TACR3: variants seen among roughly 807,000 people sequenced by gnomAD.
TACR3 encodes tachykinin receptor 3, also known as neuromedin-K receptor.
In TACR3, 34 loss-of-function variants were observed where a neutral mutation model predicts 35.0. The observed-to-expected ratio is 0.97, with a 90% CI of 0.74 to 1.30. TACR3 has a LOEUF of 1.30. TACR3 is among the 50% of genes most tolerant of loss of function. TACR3 has a pLI of 0.00. For missense variants in TACR3, 558 were observed against 591.7 expected, an observed-to-expected ratio of 0.94 and a Z score of 0.59; for synonymous variants, 233 against 221.1, an observed-to-expected ratio of 1.05 and a Z score of -0.48.
intron 1 of TACR3, among the ~76,000 whole-genome samples, chr4:103,705,139 G>GA (rs1471835086): frequency 3.3e-5 from 5 of 151,858 alleles, no homozygotes; most frequent in Non-Finnish European, 4.4e-5. Flanking sequence ...ATCCTGAGTA[G>GA]AAAAAATGAC....
At chr4:103,662,381 C>G (rs542112169) in intron 1 of TACR3, among the ~76,000 whole-genome samples, 3 of 151,992 alleles carry the variant, frequency 2.0e-5, no homozygotes, top group Non-Finnish European at 4.4e-5. Flanking sequence ...CCACCACGCC[C>G]GGCTAATTTT....
chr4:103,616,353 A>T (rs1469899546), intron 3 of TACR3, among the ~76,000 whole-genome samples: 2 of 152,068 alleles, frequency 1.3e-5, no homozygotes, highest in African/African-American at 4.8e-5. Flanking sequence ...CATATACATA[A>T]ATAACATATG....
intron 1 of TACR3, among the ~76,000 whole-genome samples, chr4:103,712,876 G>T (rs1377895523): frequency 2.6e-5 from 4 of 152,204 alleles, no homozygotes; most frequent in Non-Finnish European, 5.9e-5. Flanking sequence ...ATGAAAAAAT[G>T]CTCATCATCA....
At chr4:103,687,480 T>C (rs569757975) in intron 1 of TACR3, among the ~76,000 whole-genome samples, 1 of 152,118 alleles carries the variant, frequency 6.6e-6, no homozygotes, top group Non-Finnish European at 1.5e-5. Context: ...GATGACATGA[T>C]TGTATATCTA....
intron 1 of TACR3, among the ~76,000 whole-genome samples, chr4:103,698,525 G>A (rs533790585): frequency 7.4e-6 from 1 of 134,740 alleles, no homozygotes; most frequent in South Asian, 2.3e-4. Context: ...CAATTTATCA[G>A]AGGATATTTT....
chr4:103,642,422 C>A (rs1350196689), intron 3 of TACR3, among the ~76,000 whole-genome samples: 1 of 151,398 alleles, frequency 6.6e-6, no homozygotes. Flanking sequence ...AAAAAGAAAA[C>A]ATCAAATACT....
At chr4:103,689,804 A>C (rs1259880259) in intron 1 of TACR3, among the ~76,000 whole-genome samples, 5 of 152,168 alleles carry the variant, frequency 3.3e-5, no homozygotes, top group Admixed American at 3.3e-4. Context: ...AAAACTCCCT[A>C]AATTTGATGA....
Position 103,705,043 on chromosome 4 carries a change from G to A in TACR3, c.548+14085C>T, listed in dbSNP as rs182206106. On this transcript the variant is annotated intron_variant, in intron 1 of 4. Transcript: ENST00000304883. Reference sequence around the variant, plus strand: ...TTTTCTTTTCTTGGGAATTTTAGTTGTTTTCAGTTCTTTGCATTTTGGTTT... The same window carrying A: ...TTTTCTTTTCTTGGGAATTTTAGTTATTTTCAGTTCTTTGCATTTTGGTTT... 1.3e-3 allele frequency among the ~76,000 whole-genome samples: 197 copies of A among 151,962 alleles called. 1 individual carries two copies. The highest frequency in any genetic ancestry group is 4.3e-3 in the African/African-American group (180 of 41,470).
At chr4:103,616,302 ATGTG>A (rs3839189) in intron 3 of TACR3, among the ~76,000 whole-genome samples, 2 of 151,242 alleles carry the variant, frequency 1.3e-5, no homozygotes, top group South Asian at 2.1e-4. Flanking sequence ...ACATACGTGT[ATGTG>A]TGTGTGTGTG....
intron 1 of TACR3, among the ~76,000 whole-genome samples, chr4:103,714,228 T>C (rs1723035879): frequency 6.6e-6 from 1 of 152,172 alleles, no homozygotes. Flanking sequence ...TTGTTTGACA[T>C]ACACTTTTCT....
At chr4:103,638,011 T>A (rs1280095581) in intron 3 of TACR3, among the ~76,000 whole-genome samples, 1 of 152,178 alleles carries the variant, frequency 6.6e-6, no homozygotes, top group South Asian at 2.1e-4. Context: ...AAGGCCATAC[T>A]GCCAAAGGTA....
At chr4:103,643,872 C>T (rs1725406181) in intron 3 of TACR3, among the ~76,000 whole-genome samples, 1 of 151,680 alleles carries the variant, frequency 6.6e-6, no homozygotes, top group Non-Finnish European at 1.5e-5. Flanking sequence ...TGAATTTGTA[C>T]TTGCAGAATG....
chr4:103,602,390 A>G (rs1012400661), intron 3 of TACR3, among the ~76,000 whole-genome samples: 10 of 152,104 alleles, frequency 6.6e-5, no homozygotes, highest in Non-Finnish European at 1.3e-4. Context: ...CAACTCCTCT[A>G]AGTCATTCTC....
At chr4:103,666,781 T>A (rs1725946008) in intron 1 of TACR3, among the ~76,000 whole-genome samples, 1 of 152,156 alleles carries the variant, frequency 6.6e-6, no homozygotes, top group South Asian at 2.1e-4. Flanking sequence ...AATAAGTAGT[T>A]TTAAAATCAG....
chr4:103,659,206 G>A (rs1244458671), intron 1 of TACR3, among the ~76,000 whole-genome samples: 1 of 152,146 alleles, frequency 6.6e-6, no homozygotes, highest in African/African-American at 2.4e-5. Context: ...AACAGGCCAG[G>A]AACTGGTACT....
chr4:103,594,375 A>T (rs1723959892), intron 3 of TACR3, among the ~76,000 whole-genome samples: 2 of 152,032 alleles, frequency 1.3e-5, no homozygotes, highest in Non-Finnish European at 2.9e-5. Context: ...ACAGGGTGTT[A>T]CCATAGTGGC....
intron 3 of TACR3, among the ~76,000 whole-genome samples, chr4:103,646,512 ATAATT>A (rs1725458256): frequency 6.6e-6 from 1 of 151,980 alleles, no homozygotes; most frequent in Non-Finnish European, 1.5e-5. Context: ...GTTGATTAGT[ATAATT>A]TATTCTCTTT....
intron 1 of TACR3, among the ~76,000 whole-genome samples, chr4:103,710,390 C>T (rs1417898790): frequency 6.6e-6 from 1 of 152,108 alleles, no homozygotes; most frequent in Non-Finnish European, 1.5e-5. Flanking sequence ...AACTGAACAA[C>T]GTGCTCCTGA....
At chr4:103,595,757 TTTA>T (rs1427055636) in intron 3 of TACR3, among the ~76,000 whole-genome samples, 2 of 152,024 alleles carry the variant, frequency 1.3e-5, no homozygotes, top group African/African-American at 4.8e-5. Flanking sequence ...TTATTTTATT[TTTA>T]TTATTATACT....
Sources: allele counts gnomAD v4.1 joint callset (sites outside exome capture counted in the v4.1 genomes callset), GRCh38; gene constraint gnomAD v4.1.1; transcripts MANE v1.5; gene names NCBI Gene and HGNC (gene_info 2026-07-23, HGNC 2026-07-21).